GRIK2: variants seen among roughly 807,000 people sequenced by gnomAD.
GRIK2 encodes glutamate receptor ionotropic, kainate 2.
Under a neutral mutation model 100.3 loss-of-function variants are expected in GRIK2, and 32 were observed. That is an observed-to-expected ratio of 0.32 (90% CI 0.24 to 0.43). The LOEUF is 0.43. Among genes scored for constraint, GRIK2 ranks in the 20% least tolerant of loss-of-function variants. The probability of loss-of-function intolerance (pLI) is 1.00; values close to 1 mark genes in which losing one functional copy is unlikely to be tolerated. For missense variants in GRIK2, 843 were observed against 1,114.9 expected, an observed-to-expected ratio of 0.76 and a Z score of 3.47; for synonymous variants, 417 against 389.4, an observed-to-expected ratio of 1.07 and a Z score of -0.83.
At chr6:101,990,785 A>G (rs973555411) in intron 14 of GRIK2, among the ~76,000 whole-genome samples, 1 of 151,590 alleles carries the variant, frequency 6.6e-6, no homozygotes, top group East Asian at 1.9e-4. Flanking sequence ...GACATAAATA[A>G]TAAGTTAATA....
At chr6:101,958,152 T>G (rs1476218844) in intron 14 of GRIK2, among the ~76,000 whole-genome samples, 1 of 152,042 alleles carries the variant, frequency 6.6e-6, no homozygotes, top group Non-Finnish European at 1.5e-5. Context: ...GCATAGAATG[T>G]TTTTCCATTC....
intron 7 of GRIK2, among the ~76,000 whole-genome samples, chr6:101,714,337 A>G (rs952345236): frequency 1.3e-5 from 2 of 151,738 alleles, no homozygotes; most frequent in African/African-American, 4.8e-5. Flanking sequence ...CTTTTATTTG[A>G]TGGGCCATGA....
At chr6:102,060,418 A>G (rs1162383066) in intron 16 of GRIK2, among the ~76,000 whole-genome samples, 1 of 150,924 alleles carries the variant, frequency 6.6e-6, no homozygotes, top group Admixed American at 6.6e-5. Context: ...AAGACTAGGG[A>G]TCCTATTTTA....
chr6:101,440,820 C>T (rs76115328), intron 2 of GRIK2, among the ~76,000 whole-genome samples: 3,658 of 151,944 alleles, frequency 0.024, 78 homozygotes, highest in Non-Finnish European at 0.04. Context: ...CTCCTAAATA[C>T]GCAAGGGCCT....
chr6:101,453,558 G>C (rs181517300), intron 2 of GRIK2, among the ~76,000 whole-genome samples: 44 of 152,102 alleles, frequency 2.9e-4, no homozygotes, highest in Admixed American at 6.6e-4. Flanking sequence ...TGAACTGTCA[G>C]AAATATACTT....
intron 4 of GRIK2, among the ~76,000 whole-genome samples, chr6:101,654,033 T>A (rs1781942137): frequency 6.6e-6 from 1 of 152,208 alleles, no homozygotes; most frequent in Non-Finnish European, 1.5e-5. Flanking sequence ...TCGTTTAAAC[T>A]GTGAGGTCTC....
chr6:102,035,377 T>A lies in GRIK2; in HGVS notation c.2122T>A (p.Phe708Ile). ...KISTYDKMWA[F>I]MSSRRQSVLV... ...CTCCACGTATGACAAAATGTGGGCC[T>A]TTATGAGTAGCAGAAGGCAGTCAGT... The change falls in exon 15 of 17, where the codon TTT (phenylalanine) becomes ATT (isoleucine). Residue 708 changes from phenylalanine (F) to isoleucine (I), a missense_variant. Around this residue, in one of 3 missense-constraint regions of GRIK2, gnomAD observed 237 missense variants for 388.0 expected, o/e 0.61. Coordinates refer to ENST00000369134, the MANE Select transcript of GRIK2 (RefSeq NM_021956.5). 1 of 1,607,946 alleles carries A rather than the reference T, an allele frequency of 6.2e-7. No individual in the cohort carries two copies. The highest frequency in any genetic ancestry group is 8.5e-7 in the Non-Finnish European group (1 of 1,175,614).
intron 2 of GRIK2, among the ~76,000 whole-genome samples, chr6:101,525,399 A>G (rs1238055414): frequency 6.6e-6 from 1 of 152,134 alleles, no homozygotes; most frequent in Non-Finnish European, 1.5e-5. Flanking sequence ...CAGTATTCTG[A>G]TGATTATGGT....
intron 2 of GRIK2, among the ~76,000 whole-genome samples, chr6:101,513,338 T>C (rs993011860): frequency 6.6e-6 from 1 of 152,162 alleles, no homozygotes; most frequent in Non-Finnish European, 1.5e-5. Flanking sequence ...AAAATAAAGA[T>C]TGTGCAGCAC....
At position 101,399,255 on chromosome 6, in the gene GRIK2, G is replaced by C; in HGVS notation, c.-23G>C. On this transcript the variant is annotated 5_prime_UTR_variant, in exon 2 of 17. Coordinates refer to ENST00000369134, the MANE Select transcript of GRIK2 (RefSeq NM_021956.5). ...ACGCTAGATCGGGGAAGTGGGTGCC[G>C]TGCGTGTGGGCACAGAAACACCATG... 3.5e-6 allele frequency: 4 copies of C among 1,129,214 alleles called. No individual in the cohort carries two copies. Among genetic ancestry groups the C allele is most frequent in the Non-Finnish European group, 5.4e-6 (4 of 736,736 alleles). 69.9% of individuals were successfully genotyped at this position (1,129,214 alleles called of 1,614,324 possible).
intron 2 of GRIK2, among the ~76,000 whole-genome samples, chr6:101,526,056 A>G (rs988028487): frequency 2.0e-5 from 3 of 152,180 alleles, no homozygotes; most frequent in Admixed American, 6.5e-5. Context: ...TGATGTCTGG[A>G]AAGAGCAGCA....
At chr6:101,534,966 G>T (rs1282442590) in intron 2 of GRIK2, among the ~76,000 whole-genome samples, 4 of 151,082 alleles carry the variant, frequency 2.6e-5, no homozygotes, top group Admixed American at 2.6e-4. Flanking sequence ...ATTTTTTCTG[G>T]GCAGATTGCA....
intron 7 of GRIK2, among the ~76,000 whole-genome samples, chr6:101,738,977 T>A (rs2128376301): frequency 6.6e-6 from 1 of 152,340 alleles, no homozygotes; most frequent in South Asian, 2.1e-4. Context: ...AGGACAGCAG[T>A]CTGCATAGCG....
intron 2 of GRIK2, among the ~76,000 whole-genome samples, chr6:101,572,381 T>G (rs1437244306): frequency 6.6e-6 from 1 of 152,138 alleles, no homozygotes; most frequent in Non-Finnish European, 1.5e-5. Context: ...GAGTTTGCAA[T>G]CATTGTGATA....
chr6:101,890,081 G>A, intron 12 of GRIK2: 1 of 458,210 alleles, frequency 2.2e-6, no homozygotes, highest in Non-Finnish European at 3.8e-6. Flanking sequence ...AGCTATAAGT[G>A]TTATAGGGAT....
chr6:101,560,715 A>AT (rs1407826704), intron 2 of GRIK2, among the ~76,000 whole-genome samples: 18 of 43,196 alleles, frequency 4.2e-4, no homozygotes, highest in African/African-American at 2.4e-3. Flanking sequence ...TGTATCAGTA[A>AT]ATTTTTTTTC....
chr6:101,835,332 G>A (rs896203906), intron 10 of GRIK2, among the ~76,000 whole-genome samples: 2 of 151,926 alleles, frequency 1.3e-5, no homozygotes, highest in Non-Finnish European at 2.9e-5. Context: ...TTGTCAGGCT[G>A]GGTTTAAGTA....
chr6:101,485,648 C>T (rs374767244), intron 2 of GRIK2, among the ~76,000 whole-genome samples: 25 of 152,114 alleles, frequency 1.6e-4, no homozygotes, highest in African/African-American at 4.3e-4. Flanking sequence ...TTGATTACAA[C>T]GGTCCGGGAA....
At chr6:101,822,840 A>G (rs577461212) in intron 10 of GRIK2, among the ~76,000 whole-genome samples, 2 of 152,200 alleles carry the variant, frequency 1.3e-5, no homozygotes, top group Non-Finnish European at 1.5e-5. Flanking sequence ...TAGGGTTTCA[A>G]CCAATCTGTT....
Sources: gnomAD v4.1 joint callset for allele counts (sites outside exome capture counted in the v4.1 genomes callset) on GRCh38, gnomAD v4.1.1 for gene constraint, gnomAD v4.1.1 regional missense constraint, MANE v1.5 for transcripts, NCBI Gene and HGNC (gene_info 2026-07-23, HGNC 2026-07-21) for gene names.